Variants in CSMD1 observed in about 807,000 individuals in gnomAD.
CSMD1 encodes CUB and sushi domain-containing protein 1.
In CSMD1, 213 loss-of-function variants were observed where a neutral mutation model predicts 417.5. The ratio of observed to expected loss-of-function variants is 0.51; its 90% CI spans 0.46 to 0.57. CSMD1 has a LOEUF of 0.57. Among genes scored for constraint, CSMD1 ranks in the 20% least tolerant of loss-of-function variants. The pLI, the probability that CSMD1 is intolerant of heterozygous loss-of-function variation, is 0.00. For synonymous variants in CSMD1, 2,862 were observed against 1,736.8 expected (o/e 1.65, Z -16.11); for missense variants, 6,923 against 4,529.7 (o/e 1.53, Z -15.17).
intron 5 of CSMD1, among the ~76,000 whole-genome samples, chr8:3,956,284 A>G (rs931343073): frequency 1.4e-4 from 22 of 152,212 alleles, no homozygotes; most frequent in African/African-American, 5.1e-4. Flanking sequence ...CAATGAAACC[A>G]TCACATCAAA....
intron 51 of CSMD1, among the ~76,000 whole-genome samples, chr8:3,023,008 C>T (rs534061239): frequency 6.6e-6 from 1 of 152,316 alleles, no homozygotes; most frequent in East Asian, 1.9e-4. Flanking sequence ...TGGGCATTGA[C>T]TTGTGAGAAT....
chr8:3,838,845 ATAC>A (rs1249675266), intron 5 of CSMD1, among the ~76,000 whole-genome samples: 1 of 121,338 alleles, frequency 8.2e-6, no homozygotes, highest in Non-Finnish European at 1.6e-5. Flanking sequence ...TTAATTATAT[ATAC>A]TATTATATAT....
Position 3,701,186 on chromosome 8 carries a change from G to T in CSMD1, c.1009+7228C>A, listed in dbSNP as rs562613258. Among the ~76,000 whole-genome samples, 6 of 152,236 alleles carry T rather than the reference G, an allele frequency of 3.9e-5. No homozygotes were observed. In the East Asian group the frequency reaches 1.2e-3, roughly 29 times the overall value. ...GACTCCCAAGTAAGCCCGTGGATAGGAAGTTCTGGCCCGTAGAAGAGAAAT... is the reference window on the plus strand; with the variant it reads ...GACTCCCAAGTAAGCCCGTGGATAGTAAGTTCTGGCCCGTAGAAGAGAAAT... On this transcript the variant is annotated intron_variant, in intron 7 of 69. Coordinates refer to ENST00000635120, the MANE Select transcript of CSMD1 (RefSeq NM_033225.6).
intron 3 of CSMD1, among the ~76,000 whole-genome samples, chr8:4,376,241 G>C (rs937076325): frequency 6.6e-6 from 1 of 152,008 alleles, no homozygotes; most frequent in South Asian, 2.1e-4. Context: ...TTTCCTATTT[G>C]ACAATACTGA....
At chr8:4,046,480 T>G in intron 3 of CSMD1, among the ~76,000 whole-genome samples, 1 of 152,218 alleles carries the variant, frequency 6.6e-6, no homozygotes, top group East Asian at 1.9e-4. Context: ...GAAAAGAGTC[T>G]TTCGGAAAGG....
intron 1 of CSMD1, among the ~76,000 whole-genome samples, chr8:4,713,974 G>A (rs188514234): frequency 4.6e-4 from 70 of 152,076 alleles, no homozygotes; most frequent in Non-Finnish European, 8.7e-4. Flanking sequence ...GTAAAACCCC[G>A]TCTCCACTAA....
At chr8:4,554,509 T>C (rs371220805) in intron 2 of CSMD1, among the ~76,000 whole-genome samples, 42 of 152,176 alleles carry the variant, frequency 2.8e-4, no homozygotes, top group African/African-American at 1.0e-3. Context: ...TCCTGTTTAA[T>C]TTGTGGCTTT....
At chr8:3,955,840 C>A (rs192278354) in intron 5 of CSMD1, among the ~76,000 whole-genome samples, 9 of 152,200 alleles carry the variant, frequency 5.9e-5, no homozygotes, top group African/African-American at 1.7e-4. Flanking sequence ...TTGCCCCCTG[C>A]CACACTGAGA....
At chr8:3,889,174 C>T (rs868297806) in intron 5 of CSMD1, among the ~76,000 whole-genome samples, 5 of 151,362 alleles carry the variant, frequency 3.3e-5, no homozygotes, top group African/African-American at 9.7e-5. Flanking sequence ...TGAAGTGTGA[C>T]GATGCAAGAT....
intron 68 of CSMD1, among the ~76,000 whole-genome samples, chr8:2,948,757 G>C (rs1180063066): frequency 3.3e-5 from 5 of 151,950 alleles, no homozygotes; most frequent in Non-Finnish European, 7.4e-5. Context: ...GAAAATTGTT[G>C]GATGAACAAA....
intron 25 of CSMD1, among the ~76,000 whole-genome samples, chr8:3,301,602 A>G (rs574996120): frequency 2.2e-4 from 33 of 152,280 alleles, no homozygotes; most frequent in African/African-American, 7.2e-4. Flanking sequence ...AGTGTGTGTA[A>G]AGAGAGCACC....
intron 1 of CSMD1, among the ~76,000 whole-genome samples, chr8:4,923,641 C>T (rs974054125): frequency 1.3e-5 from 2 of 152,098 alleles, no homozygotes; most frequent in Non-Finnish European, 2.9e-5. Flanking sequence ...TACATTGCTT[C>T]CTGCACTCAC....
intron 22 of CSMD1, among the ~76,000 whole-genome samples, chr8:3,346,706 A>G (rs1370481214): frequency 1.3e-5 from 2 of 152,182 alleles, no homozygotes; most frequent in African/African-American, 4.8e-5. Context: ...CATTCCAGCC[A>G]TTCTGTAAAG....
At chr8:4,060,790 T>C (rs1798930893) in intron 3 of CSMD1, among the ~76,000 whole-genome samples, 1 of 151,882 alleles carries the variant, frequency 6.6e-6, no homozygotes, top group Admixed American at 6.6e-5. Context: ...GACCCTGAGA[T>C]TAAAAAAAGG....
At chr8:3,626,355 T>C (rs1427944662) in intron 7 of CSMD1, among the ~76,000 whole-genome samples, 1 of 152,220 alleles carries the variant, frequency 6.6e-6, no homozygotes, top group Non-Finnish European at 1.5e-5. Flanking sequence ...GCCCAATTAT[T>C]CATGGTCTCC....
chr8:4,013,189 G>A (rs1796361170), intron 4 of CSMD1, among the ~76,000 whole-genome samples: 1 of 151,904 alleles, frequency 6.6e-6, no homozygotes, highest in African/African-American at 2.4e-5. Context: ...TGATCTACAG[G>A]GCCCACTCCT....
chr8:3,992,975 G>A (rs1257834141), intron 5 of CSMD1, among the ~76,000 whole-genome samples: 5 of 152,178 alleles, frequency 3.3e-5, no homozygotes, highest in Admixed American at 1.3e-4. Flanking sequence ...AGATGGAAAC[G>A]GCCACAGTTG....
At chr8:3,417,165 C>G (rs546099365) in intron 12 of CSMD1, among the ~76,000 whole-genome samples, 68 of 152,270 alleles carry the variant, frequency 4.5e-4, no homozygotes, top group African/African-American at 1.6e-3. Context: ...TCTTTGTTAC[C>G]ATGAAGAGTT....
chr8:4,256,253 T>G (rs1420816213), intron 3 of CSMD1, among the ~76,000 whole-genome samples: 2 of 152,222 alleles, frequency 1.3e-5, no homozygotes, highest in Non-Finnish European at 2.9e-5. Context: ...CTCTCTGCTT[T>G]GAGTCCCTTA....
Sources: gnomAD v4.1 joint callset for allele counts (sites outside exome capture counted in the v4.1 genomes callset) on GRCh38, gnomAD v4.1.1 for gene constraint, MANE v1.5 for transcripts, NCBI Gene and HGNC (gene_info 2026-07-23, HGNC 2026-07-21) for gene names.